Variants in SHISA9 observed in about 807,000 individuals in gnomAD.
SHISA9 encodes protein shisa-9.
A neutral mutation model predicts 38.0 loss-of-function variants in SHISA9; 13 were observed. The observed-to-expected ratio is 0.34, with a 90% confidence interval of 0.22 to 0.54. The LOEUF (loss-of-function observed/expected upper bound fraction) is 0.54. Ranked by LOEUF, SHISA9 falls within the 20% of genes least tolerant of loss-of-function variation. SHISA9 has a pLI of 0.91. For missense variants in SHISA9, 538 were observed against 575.8 expected, an observed-to-expected ratio of 0.93 and a Z score of 0.67; for synonymous variants, 275 against 242.0, an observed-to-expected ratio of 1.14 and a Z score of -1.27.
the SHISA9 span, among the ~76,000 whole-genome samples, chr16:13,266,558 T>C: frequency 6.6e-6 from 1 of 152,192 alleles, no homozygotes; most frequent in Non-Finnish European, 1.5e-5. Context: ...CTGGCTGTTG[T>C]TGTGTTTCCC....
intron 2 of SHISA9, among the ~76,000 whole-genome samples, chr16:13,064,717 G>A (rs905958909): frequency 2.1e-5 from 3 of 142,620 alleles, no homozygotes; most frequent in Admixed American, 7.2e-5. Flanking sequence ...TCTGTTTTCA[G>A]ATTTTTTTCT....
the SHISA9 span, among the ~76,000 whole-genome samples, chr16:13,369,723 A>T: frequency 6.6e-6 from 1 of 152,114 alleles, no homozygotes; most frequent in African/African-American, 2.4e-5. Flanking sequence ...ATGACAGGTG[A>T]TCCTGTGAGC....
intron 2 of SHISA9, among the ~76,000 whole-genome samples, chr16:12,947,717 A>T (rs952684609): frequency 6.6e-6 from 1 of 152,216 alleles, no homozygotes; most frequent in African/African-American, 2.4e-5. Context: ...GGCCAATTTA[A>T]GTCTCATTAA....
At chr16:13,538,712 A>T in the SHISA9 span, among the ~76,000 whole-genome samples, 1 of 152,192 alleles carries the variant, frequency 6.6e-6, no homozygotes, top group African/African-American at 2.4e-5. Flanking sequence ...ACACTGTAGC[A>T]TTTCAATTAC....
At chr16:13,018,659 G>A (rs1174517867) in intron 2 of SHISA9, among the ~76,000 whole-genome samples, 4 of 152,192 alleles carry the variant, frequency 2.6e-5, no homozygotes, top group African/African-American at 9.7e-5. Flanking sequence ...ACTGCAGCTG[G>A]TGATATTTCC....
the SHISA9 span, among the ~76,000 whole-genome samples, chr16:13,534,075 G>A: frequency 7.9e-5 from 12 of 152,092 alleles, no homozygotes; most frequent in East Asian, 1.2e-3. Flanking sequence ...GAGCCACCGC[G>A]CCTGGCCTGG....
intron 2 of SHISA9, among the ~76,000 whole-genome samples, chr16:13,169,799 G>C (rs960049662): frequency 2.6e-5 from 4 of 152,158 alleles, no homozygotes; most frequent in African/African-American, 9.7e-5. Flanking sequence ...CTGTGTCCCA[G>C]CTTCGGATCA....
At chr16:12,942,242 G>A (rs1182915343) in intron 2 of SHISA9, among the ~76,000 whole-genome samples, 1 of 152,202 alleles carries the variant, frequency 6.6e-6, no homozygotes, top group Admixed American at 6.5e-5. Context: ...TTCCCTCCTC[G>A]GGACGGGAGA....
At chr16:13,189,650 T>C (rs2050863486) in intron 2 of SHISA9, among the ~76,000 whole-genome samples, 1 of 152,216 alleles carries the variant, frequency 6.6e-6, no homozygotes, top group African/African-American at 2.4e-5. Context: ...GAGAACGATG[T>C]GGAAGGCATG....
chr16:12,953,967 G>C (rs974859261), intron 2 of SHISA9, among the ~76,000 whole-genome samples: 5 of 152,182 alleles, frequency 3.3e-5, no homozygotes, highest in African/African-American at 1.2e-4. Context: ...CTGCCCCTAA[G>C]ATCCAGTCAC....
At chr16:13,384,213 A>G in the SHISA9 span, among the ~76,000 whole-genome samples, 1 of 152,228 alleles carries the variant, frequency 6.6e-6, no homozygotes, top group South Asian at 2.1e-4. Context: ...GATAGGAACT[A>G]CATGGGATTA....
the SHISA9 span, among the ~76,000 whole-genome samples, chr16:13,318,070 A>G: frequency 6.6e-6 from 1 of 151,064 alleles, no homozygotes; most frequent in African/African-American, 2.4e-5. Flanking sequence ...ATCTATATGC[A>G]AGGAGATAAG....
chr16:13,063,638 C>T (rs1290277364), intron 2 of SHISA9, among the ~76,000 whole-genome samples: 2 of 152,096 alleles, frequency 1.3e-5, no homozygotes, highest in African/African-American at 2.4e-5. Flanking sequence ...CTATTGATTG[C>T]GCAATGGCAT....
At chr16:13,219,476 A>G (rs1203325396) in intron 4 of SHISA9, among the ~76,000 whole-genome samples, 1 of 152,184 alleles carries the variant, frequency 6.6e-6, no homozygotes, top group African/African-American at 2.4e-5. Context: ...TTGGTATATA[A>G]CAGGTGCTAA....
the SHISA9 span, among the ~76,000 whole-genome samples, chr16:13,354,007 T>G: frequency 6.6e-6 from 1 of 150,656 alleles, no homozygotes; most frequent in African/African-American, 2.4e-5. Flanking sequence ...AGGAAAGGCC[T>G]CTACCTATCC....
intron 1 of SHISA9, among the ~76,000 whole-genome samples, chr16:12,913,100 A>G (rs906729974): frequency 2.0e-5 from 3 of 152,216 alleles, no homozygotes; most frequent in African/African-American, 7.2e-5. Context: ...TGGTATATTT[A>G]AAAAGTGTAC....
chr16:13,330,627 G>C, the SHISA9 span, among the ~76,000 whole-genome samples: 1 of 152,184 alleles, frequency 6.6e-6, no homozygotes, highest in Non-Finnish European at 1.5e-5. Flanking sequence ...GTTTGCTTTA[G>C]ATAGTACAGT....
At chr16:13,177,534 TTTTA>T (rs1235348046) in intron 2 of SHISA9, among the ~76,000 whole-genome samples, 1 of 148,406 alleles carries the variant, frequency 6.7e-6, no homozygotes, top group Non-Finnish European at 1.5e-5. Flanking sequence ...TCTACTTTTA[TTTTA>T]TTTTTTTTAA....
chr16:13,006,935 C>T (rs1353993213), intron 2 of SHISA9, among the ~76,000 whole-genome samples: 1 of 152,176 alleles, frequency 6.6e-6, no homozygotes. Context: ...CTGTTTCTAA[C>T]TGTGGGTATC....
Sources: gnomAD v4.1 joint callset for allele counts (sites outside exome capture counted in the v4.1 genomes callset) on GRCh38, gnomAD v4.1.1 for gene constraint, MANE v1.5 for transcripts, NCBI Gene and HGNC (gene_info 2026-07-23, HGNC 2026-07-21) for gene names.